The following P2RY8 variants were observed in gnomAD, a reference collection of about 807,000 sequenced individuals.
P2RY8 encodes P2Y receptor family member 8.
A neutral mutation model predicts 10.0 loss-of-function variants in P2RY8; 6 were observed. The ratio of observed to expected loss-of-function variants is 0.60; its 90% CI spans 0.33 to 1.19. P2RY8 has a LOEUF of 1.19. Ranked by LOEUF, P2RY8 falls within the 50% of genes most tolerant of loss-of-function variation. The pLI, the probability that P2RY8 is intolerant of heterozygous loss-of-function variation, is 0.04. For synonymous variants in P2RY8, 276 were observed against 252.5 expected, an observed-to-expected ratio of 1.09 and a Z score of -0.88; for missense variants, 456 against 542.0, an observed-to-expected ratio of 0.84 and a Z score of 1.58.
chrX:1,470,249 C>T (rs1377690589), intron 1 of P2RY8, among the ~76,000 whole-genome samples: 7 of 152,094 alleles, frequency 4.6e-5, no homozygotes, highest in African/African-American at 1.7e-4. Flanking sequence ...CGGTGACTCA[C>T]GTCTGTAATC....
intron 1 of P2RY8, among the ~76,000 whole-genome samples, chrX:1,493,811 T>C (rs1177662417): frequency 6.6e-6 from 1 of 152,112 alleles, no homozygotes; most frequent in Non-Finnish European, 1.5e-5. Context: ...TGCGGCAACG[T>C]CTGAAGATGT....
chrX:1,496,431 G>A (rs2149394908), intron 1 of P2RY8, among the ~76,000 whole-genome samples: 1 of 152,324 alleles, frequency 6.6e-6, no homozygotes, highest in South Asian at 2.1e-4. Flanking sequence ...CCTCCCGGGT[G>A]CGACTCCCTG....
At chrX:1,493,445 G>C (rs62602993) in intron 1 of P2RY8, among the ~76,000 whole-genome samples, 1 of 94,870 alleles carries the variant, frequency 1.1e-5, no homozygotes. Context: ...GGAAGGAGGA[G>C]GAAGGAGGAA....
At chrX:1,478,904 T>C (rs1386591841) in intron 1 of P2RY8, among the ~76,000 whole-genome samples, 1 of 152,094 alleles carries the variant, frequency 6.6e-6, no homozygotes, top group African/African-American at 2.4e-5. Flanking sequence ...TGTCTGCCTT[T>C]CTGGTGGTCC....
chrX:1,525,343 G>A (rs1479026368), intron 1 of P2RY8, among the ~76,000 whole-genome samples: 1 of 152,140 alleles, frequency 6.6e-6, no homozygotes, highest in East Asian at 1.9e-4. Flanking sequence ...GCATTTGGGT[G>A]GGGACTTAAT....
At chrX:1,530,167 TCTATC>T (rs2092463817) in intron 1 of P2RY8, among the ~76,000 whole-genome samples, 20 of 14,072 alleles carry the variant, frequency 1.4e-3, no homozygotes, top group African/African-American at 1.9e-3. Context: ...GATCTATCTA[TCTATC>T]TATCTATCTA....
At chrX:1,516,415 A>G (rs1214471972) in intron 1 of P2RY8, among the ~76,000 whole-genome samples, 2 of 151,906 alleles carry the variant, frequency 1.3e-5, no homozygotes, top group Admixed American at 6.6e-5. Context: ...CCTGGATCTC[A>G]GACTTCCAGC....
chrX:1,512,354 C>T (rs1217087218), intron 1 of P2RY8, among the ~76,000 whole-genome samples: 1 of 152,006 alleles, frequency 6.6e-6, no homozygotes, highest in Non-Finnish European at 1.5e-5. Context: ...TGAGACCATC[C>T]TGGCCAACAT....
At chrX:1,484,278 A>T (rs1303425297) in intron 1 of P2RY8, among the ~76,000 whole-genome samples, 14 of 152,246 alleles carry the variant, frequency 9.2e-5, no homozygotes. Context: ...CTCTCCTCTG[A>T]AAGGTGAAAG....
chrX:1,483,656 C>T (rs1211692485), intron 1 of P2RY8, among the ~76,000 whole-genome samples: 6 of 151,888 alleles, frequency 4.0e-5, no homozygotes, highest in African/African-American at 1.4e-4. Flanking sequence ...AAAAAAGAAA[C>T]AACCCAAACA....
At chrX:1,493,153 G>T (rs191900492) in intron 1 of P2RY8, among the ~76,000 whole-genome samples, 9,814 of 149,732 alleles carry the variant, frequency 0.066, 677 homozygotes, top group African/African-American at 0.17. Context: ...CCGGGCGTTG[G>T]GGTGGGCGCC....
chrX:1,497,922 C>T (rs1270806217), intron 1 of P2RY8, among the ~76,000 whole-genome samples: 1 of 151,932 alleles, frequency 6.6e-6, no homozygotes, highest in Non-Finnish European at 1.5e-5. Flanking sequence ...CAGCTGAACC[C>T]AGGAAGCAGG....
chrX:1,471,389 A>G (rs2091784922), intron 1 of P2RY8, among the ~76,000 whole-genome samples: 1 of 125,578 alleles, frequency 8.0e-6, no homozygotes, highest in Non-Finnish European at 1.6e-5. Flanking sequence ...CAAACTCCTG[A>G]CCTCTGATGT....
intron 1 of P2RY8, 140 bp from the exon 2 acceptor site, chrX:1,466,722 C>CCCTT: frequency 1.4e-6 from 1 of 704,212 alleles, no homozygotes; most frequent in Non-Finnish European, 2.3e-6. Context: ...CTCCCTCCCT[C>CCCTT]CCTCCCTTAG....
chrX:1,474,337 G>A (rs1401186429), intron 1 of P2RY8, among the ~76,000 whole-genome samples: 1 of 135,644 alleles, frequency 7.4e-6, no homozygotes, highest in African/African-American at 2.5e-5. Context: ...ATAGGTGTAT[G>A]GGTGTGTGGA....
At chrX:1,532,355 A>ATATACACACATATGTATATGATGTGTG (rs2092481857) in intron 1 of P2RY8, among the ~76,000 whole-genome samples, 1 of 138,418 alleles carries the variant, frequency 7.2e-6, no homozygotes, top group Non-Finnish European at 1.7e-5. Context: ...TATGATGTGT[A>ATATACACACATATGTATATGATGTGTG]TATATACACA....
chrX:1,523,261 T>G (rs2092406230), intron 1 of P2RY8, among the ~76,000 whole-genome samples: 1 of 151,988 alleles, frequency 6.6e-6, no homozygotes. Flanking sequence ...GTCCCTCAGT[T>G]TCCCCTAAGC....
At chrX:1,514,143 A>G (rs1325452907) in intron 1 of P2RY8, among the ~76,000 whole-genome samples, 1 of 152,062 alleles carries the variant, frequency 6.6e-6, no homozygotes, top group East Asian at 1.9e-4. Context: ...TCCTGAAAAT[A>G]CCTTATAAAT....
chrX:1,523,050 C>G (rs1476680683), intron 1 of P2RY8, among the ~76,000 whole-genome samples: 1 of 148,324 alleles, frequency 6.7e-6, no homozygotes, highest in African/African-American at 2.5e-5. Context: ...GCCTGGGCGA[C>G]AGAGAGAGAC....
Sources: gnomAD v4.1 joint callset for allele counts (sites outside exome capture counted in the v4.1 genomes callset) on GRCh38, gnomAD v4.1.1 for gene constraint, MANE v1.5 for transcripts, NCBI Gene and HGNC (gene_info 2026-07-23, HGNC 2026-07-21) for gene names.